SAMM50: variants seen among roughly 807,000 people sequenced by gnomAD.
SAMM50 encodes sorting and assembly machinery component 50 homolog.
A neutral mutation model predicts 66.9 loss-of-function variants in SAMM50; 47 were observed. The observed-to-expected ratio is 0.70, with a 90% CI of 0.56 to 0.90. The LOEUF (loss-of-function observed/expected upper bound fraction) is 0.90, where lower values mean the gene tolerates loss of function less well. Ranked by LOEUF, SAMM50 falls within the 40% of genes least tolerant of loss-of-function variation. SAMM50 has a pLI of 0.00. For missense variants in SAMM50, 535 were observed against 595.3 expected, an observed-to-expected ratio of 0.90 and a Z score of 1.05; for synonymous variants, 191 against 214.1, an observed-to-expected ratio of 0.89 and a Z score of 0.94.
rs757310529 is a variant in SAMM50, at chr22:43,968,798, T to C, written c.302T>C (p.Val101Ala). ...LRLGIFRQVD[V>A]LIDTCQGDDA... ...CTTGGAATTTTTAGACAAGTGGATGTTTTGATTGACACATGTCAAGGTACA... is the reference window on the plus strand; with the variant it reads ...CTTGGAATTTTTAGACAAGTGGATGCTTTGATTGACACATGTCAAGGTACA... The change falls in exon 4 of 15, where the codon GTT becomes GCT. Residue 101 changes from valine to alanine, a missense_variant. Val to Ala is a moderately conservative substitution (Grantham distance 64). Transcript: ENST00000350028. 6.2e-7 allele frequency: 1 copy of C among 1,611,760 alleles called. No individual in the cohort carries two copies. Among genetic ancestry groups the C allele is most frequent in the South Asian group, 1.1e-5 (1 of 91,040 alleles).
intron 1 of SAMM50, among the ~76,000 whole-genome samples, chr22:43,960,686 G>A (rs9614294): frequency 0.18 from 27,426 of 152,058 alleles, 2,872 homozygotes; most frequent in East Asian, 0.34. Flanking sequence ...CCGAGATTGC[G>A]CCATTACACT....
intron 11 of SAMM50, among the ~76,000 whole-genome samples, chr22:43,981,938 CTTG>C (rs1296256870): frequency 1.3e-5 from 2 of 151,916 alleles, no homozygotes; most frequent in African/African-American, 2.4e-5. Flanking sequence ...TTTAAGATAA[CTTG>C]TTGTTTATTT....
chr22:43,980,155 T>C (rs1389923284), intron 10 of SAMM50, among the ~76,000 whole-genome samples: 2 of 18,570 alleles, frequency 1.1e-4, no homozygotes, highest in Non-Finnish European at 1.0e-4. Flanking sequence ...CATCCATCCA[T>C]CCATCCATTC....
At chr22:43,980,063 CCCAT>C (rs1157275959) in intron 10 of SAMM50, among the ~76,000 whole-genome samples, 12 of 109,976 alleles carry the variant, frequency 1.1e-4, no homozygotes, top group Middle Eastern at 4.2e-3. Flanking sequence ...CACCCATTTA[CCCAT>C]CCATCCATCC....
At chr22:43,984,871 C>T (rs1477021503) in intron 12 of SAMM50, among the ~76,000 whole-genome samples, 1 of 150,542 alleles carries the variant, frequency 6.6e-6, no homozygotes, top group African/African-American at 2.5e-5. Context: ...ACCTCGTGAT[C>T]CACCGGCCTT....
chr22:43,996,200 G>A (rs992991825), intron 14 of SAMM50, 138 bp from the exon 15 acceptor site: 2 of 917,734 alleles, frequency 2.2e-6, no homozygotes, highest in Non-Finnish European at 3.6e-6. Context: ...TGAGGGTGAG[G>A]CCGGCAGCCA....
At position 43,983,965 on chromosome 22, in the gene SAMM50, G is replaced by A; in HGVS notation, c.1040G>A (p.Gly347Glu). 1 of 1,611,950 alleles carries A rather than the reference G, an allele frequency of 6.2e-7. No homozygotes were observed. The highest frequency in any genetic ancestry group is 1.3e-5 in the African/African-American group (1 of 74,916). The change falls in exon 12 of 15, where the codon GGA becomes GAA. Residue 347 changes from glycine to glutamate, a missense_variant. Gly to Glu is a moderately conservative substitution (Grantham distance 98). Coordinates refer to ENST00000350028, the MANE Select transcript of SAMM50 (RefSeq NM_015380.5). The surrounding 1 kb of genome is among the most constrained non-coding windows in gnomAD (Gnocchi z 4.2). ...CTTGGGGGACCCACAAGCATCCGCGGATTCAGCATGCACAGCATCGGGCCA... is the reference window on the plus strand; with the variant it reads ...CTTGGGGGACCCACAAGCATCCGCGAATTCAGCATGCACAGCATCGGGCCA... ...FYLGGPTSIR[G>E]FSMHSIGPQS...
chr22:43,973,190 C>A, intron 6 of SAMM50, 46 bp from the exon 7 acceptor site: 2 of 1,368,936 alleles, frequency 1.5e-6, no homozygotes. Flanking sequence ...TGTGCAAGTT[C>A]TAATCACTGT....
At chr22:43,961,745 C>T (rs2050148099) in intron 1 of SAMM50, among the ~76,000 whole-genome samples, 1 of 151,968 alleles carries the variant, frequency 6.6e-6, no homozygotes, top group Non-Finnish European at 1.5e-5. Flanking sequence ...AGTCATTGTG[C>T]CTGGCCTATT....
chr22:43,961,793 G>A (rs2050148281), intron 1 of SAMM50, among the ~76,000 whole-genome samples: 1 of 152,100 alleles, frequency 6.6e-6, no homozygotes, highest in African/African-American at 2.4e-5. Flanking sequence ...ATGTTGCCTA[G>A]CATGATCTTG....
chr22:43,976,113 G>A lies in SAMM50; in HGVS notation c.707G>A (p.Gly236Asp), dbSNP rs2050230294. ...VKWEGVWREL[G>D]CLSRTASFAV... ...TGGGAAGGCGTATGGCGAGAACTGG[G>A]CTGCCTCTCAAGGACGGCGTCATTT... is the stretch of plus-strand genomic sequence containing the variant. Residue 236 changes from glycine (G) to aspartate (D), a missense_variant, in exon 8 of 15, where the codon GGC becomes GAC. Transcript: ENST00000350028. 2 of 1,612,690 alleles carry A rather than the reference G, an allele frequency of 1.2e-6. No homozygotes were observed. The highest frequency in any genetic ancestry group is 1.1e-5 in the South Asian group (1 of 91,054).
chr22:43,990,491 G>A (rs2050317970), intron 14 of SAMM50, 85 bp downstream of exon 14: 2 of 1,311,914 alleles, frequency 1.5e-6, no homozygotes, highest in Non-Finnish European at 2.2e-6. Flanking sequence ...TTTCATTAGT[G>A]GCTTTTAAGC....
Position 43,971,036 on chromosome 22 carries a change from C to T in SAMM50, c.323-1200C>T, listed in dbSNP as rs1455657142. Among the ~76,000 whole-genome samples, 5 of 151,860 alleles carry T rather than the reference C, an allele frequency of 3.3e-5. 1 individual carries two copies. Among genetic ancestry groups the T allele is most frequent in the South Asian group, 2.1e-4 (1 of 4,810 alleles). Reference sequence around the variant, plus strand: ...AAAAAATATTGGCAGAGTGTGGCGGCGGGTGCCTGTCATCCCAGCTACTCG... The same window carrying T: ...AAAAAATATTGGCAGAGTGTGGCGGTGGGTGCCTGTCATCCCAGCTACTCG... On this transcript the variant is annotated intron_variant, in intron 4 of 14. Transcript: ENST00000350028.
At position 43,963,348 on chromosome 22, in the gene SAMM50, T is replaced by A; in HGVS notation, c.84T>A (p.Phe28Leu). The A allele has an allele frequency of 1.2e-6, 2 of 1,613,444 alleles. No homozygotes were observed. The highest frequency in any genetic ancestry group is 1.7e-6 in the Non-Finnish European group (2 of 1,179,836). Residue 28 changes from phenylalanine to leucine, a missense_variant, in exon 2 of 15, where the codon TTT becomes TTA. By Grantham distance (22) the Phe-to-Leu change is conservative (BLOSUM62 0). Coordinates refer to ENST00000350028, the MANE Select transcript of SAMM50 (RefSeq NM_015380.5). Reference sequence around the variant, plus strand: ...GAGGATTAGGAGAAGAAGCTGAATTTGTTGAAGTTGAGCCTGAAGCTAAAC... The same window carrying A: ...GAGGATTAGGAGAAGAAGCTGAATTAGTTGAAGTTGAGCCTGAAGCTAAAC... ...DFGGLGEEAE[F>L]VEVEPEAKQE...
chr22:43,966,807 C>CCT (rs2050175809), intron 3 of SAMM50, among the ~76,000 whole-genome samples: 2 of 86,914 alleles, frequency 2.3e-5, no homozygotes, highest in African/African-American at 1.7e-4. Flanking sequence ...TGAGATCCAG[C>CCT]ATTTTTTTTT....
At position 43,981,293 on chromosome 22, in the gene SAMM50, G is replaced by A. The variant is rs113232801; in HGVS notation, c.937-98G>A. ...TGCACCCCATCGCGGAGCTCTGCAC[G>A]CCACGGGCATTCAGTGTGTGGCCAG... On this transcript the variant is annotated intron_variant, in intron 10 of 14. Coordinates refer to ENST00000350028, the MANE Select transcript of SAMM50 (RefSeq NM_015380.5). 366 of 943,940 alleles carry A rather than the reference G, an allele frequency of 3.9e-4. No homozygotes were observed. The African/African-American group carries it at 5.0e-3, about 13-fold the overall frequency. The allele number at this position is 943,940 out of a possible 1,614,324, so 58.5% of individuals were successfully genotyped here.
chr22:43,993,305 G>A (rs933316211), intron 14 of SAMM50, among the ~76,000 whole-genome samples: 2 of 152,266 alleles, frequency 1.3e-5, no homozygotes, highest in African/African-American at 4.8e-5. Context: ...GGCAGCCCAC[G>A]CTGCCATCAC....
In SAMM50 at chr22:43,981,805, C is replaced by T. The variant is rs1316193175; in HGVS notation, c.1007+344C>T. ...GTCATGAGAAATTCTTTATAAGCAG[C>T]ATTGTAGTGGCATATGTTTCATTAT... On this transcript the variant is annotated intron_variant, in intron 11 of 14. Transcript: ENST00000350028. Among the ~76,000 whole-genome samples, 4 of 152,206 alleles carry T rather than the reference C, an allele frequency of 2.6e-5. No homozygotes were observed. In the East Asian group the frequency reaches 7.7e-4, roughly 29 times the overall value.
chr22:43,991,554 C>T (rs946949324), intron 14 of SAMM50, among the ~76,000 whole-genome samples: 18 of 152,180 alleles, frequency 1.2e-4, no homozygotes, highest in African/African-American at 4.3e-4. Flanking sequence ...AGGTATGAGC[C>T]ACCGCACCCA....
Sources: allele counts gnomAD v4.1 joint callset (sites outside exome capture counted in the v4.1 genomes callset), GRCh38; gene constraint gnomAD v4.1.1; non-coding constraint Gnocchi (gnomAD v3.1); transcripts MANE v1.5; gene names NCBI Gene and HGNC (gene_info 2026-07-23, HGNC 2026-07-21).